The following CCDC27 variants were observed in gnomAD, a reference collection of about 807,000 sequenced individuals.
The protein encoded by CCDC27 is coiled-coil domain containing 27.
CCDC27 carries 80 observed loss-of-function variants against 80.3 expected under a neutral mutation model. That is an observed-to-expected ratio of 1.00 (90% confidence interval 0.83 to 1.20). The LOEUF is 1.20. CCDC27 is among the 50% of genes most tolerant of loss of function. CCDC27 has a pLI of 0.00. For synonymous variants in CCDC27, 342 were observed against 334.3 expected, an observed-to-expected ratio of 1.02 and a Z score of -0.25; for missense variants, 815 against 809.4, an observed-to-expected ratio of 1.01 and a Z score of -0.08.
Position 3,769,958 on chromosome 1 carries a change from T to G in CCDC27, c.1848+71T>G. On this transcript the variant is annotated intron_variant, in intron 11 of 11. Transcript: ENST00000294600. The surrounding 1 kb of genome is among the most constrained non-coding windows in gnomAD (Gnocchi z 4.6). ...AGGCCAGAGCTGTGGTAGGGGGTTG[T>G]GGGGGGCCTAGATTCCAGGGACTCT... The G allele has an allele frequency of 9.0e-7, 1 of 1,116,112 alleles. No individual in the cohort carries two copies. The highest frequency in any genetic ancestry group is 1.4e-6 in the Non-Finnish European group (1 of 727,724). 69.1% of individuals were successfully genotyped at this position (1,116,112 alleles called of 1,614,324 possible).
At chr1:3,762,413 G>A (rs573374763) in intron 5 of CCDC27, among the ~76,000 whole-genome samples, 24 of 152,154 alleles carry the variant, frequency 1.6e-4, no homozygotes, top group African/African-American at 5.8e-4. Context: ...GGTGCCTAGA[G>A]CCCCACTGCC....
At position 3,769,821 on chromosome 1, in the gene CCDC27, T is replaced by C. The variant is rs1476277028; in HGVS notation, c.1782T>C (p.Phe594=). ...RLRNKIIQAT[F]SISGTKSLAN... ...GGAATAAGATCATCCAGGCCACCTT[T>C]AGCATCTCCGGGACCAAGTCCTTGG... Residue 594 remains phenylalanine, a synonymous_variant, in exon 11 of 12, where the codon TTT becomes TTC. Coordinates refer to ENST00000294600, the MANE Select transcript of CCDC27 (RefSeq NM_152492.3). This position sits in a 1 kb window ranked among gnomAD's most constrained non-coding sequence, Gnocchi z 4.6. 4 of 1,613,946 alleles carry C rather than the reference T, an allele frequency of 2.5e-6. No individual in the cohort carries two copies. Among genetic ancestry groups the C allele is most frequent in the East Asian group, 2.2e-5 (1 of 44,890 alleles).
chr1:3,756,763 G>T lies in CCDC27; in HGVS notation c.584G>T (p.Cys195Phe), dbSNP rs148151548. The T allele has an allele frequency of 6.2e-7, 1 of 1,614,002 alleles. No individual in the cohort carries two copies. Among genetic ancestry groups the T allele is most frequent in the African/African-American group, 1.3e-5 (1 of 74,938 alleles). ...GYLLPFSKSI[C>F]EFDYLRKRRK... ...CTCCTTCCCTTCAGTAAGAGCATCTGCGAGTTCGATTACTTGCGGAAGAGG... is the reference window on the plus strand; with the variant it reads ...CTCCTTCCCTTCAGTAAGAGCATCTTCGAGTTCGATTACTTGCGGAAGAGG... Residue 195 changes from cysteine to phenylalanine, a missense_variant, in exon 4 of 12, where the codon TGC becomes TTC. Physicochemically the swap from Cys to Phe is radical, Grantham distance 205. Transcript: ENST00000294600.
rs145354773 is a variant in CCDC27 at position 3,763,366 on chromosome 1, G to T, written c.1213G>T (p.Glu405Ter). The T allele has an allele frequency of 1.9e-6, 3 of 1,613,004 alleles. No individual in the cohort carries two copies. Among genetic ancestry groups the T allele is most frequent in the Non-Finnish European group, 2.5e-6 (3 of 1,179,982 alleles). ...CAGGAGAAGGGCCTCCTCCCTGGCCGAGTCGTTTGAGGAGGAGCTGCTGGC... is the reference window on the plus strand; with the variant it reads ...CAGGAGAAGGGCCTCCTCCCTGGCCTAGTCGTTTGAGGAGGAGCTGCTGGC... Reference protein sequence around the residue: ...IPRRRASSLAESFEEELLAQL... With the variant: ...IPRRRASSLA The change falls in exon 7 of 12, where the codon GAG becomes TAG. Residue 405 changes from glutamate to a stop codon, truncating the protein, a stop_gained. Transcript: ENST00000294600. LOFTEE classifies it high-confidence loss of function. This position sits in a 1 kb window ranked among gnomAD's most constrained non-coding sequence, Gnocchi z 7.5.
Position 3,769,901 on chromosome 1 carries a change from C to T in CCDC27, c.1848+14C>T, listed in dbSNP as rs753712094. ...GAAGCCCTGCAGGTATACCCCTAAG[C>T]TCAGCTGCCTCTATCCGGGCCCCAG... is the stretch of plus-strand genomic sequence containing the variant. On this transcript the variant is annotated intron_variant, in intron 11 of 11. Transcript: ENST00000294600. This position sits in a 1 kb window ranked among gnomAD's most constrained non-coding sequence, Gnocchi z 4.6. 4 of 1,594,222 alleles carry T rather than the reference C, an allele frequency of 2.5e-6. No homozygotes were observed. The highest frequency in any genetic ancestry group is 3.4e-6 in the Non-Finnish European group (4 of 1,162,040).
chr1:3,767,117 G>T, intron 9 of CCDC27, 116 bp from the exon 10 acceptor site: 1 of 857,176 alleles, frequency 1.2e-6, no homozygotes, highest in Non-Finnish European at 1.9e-6. Flanking sequence ...GGGATTACAG[G>T]CGTGAGCCAC....
chr1:3,755,163 G>A lies in CCDC27; in HGVS notation c.443-294G>A, dbSNP rs540344899. ...TCTGGAGGCAGGGGAGCTTCCGTTC[G>A]ACTTTTAGGAGGCACATTTTTACCG... is the stretch of plus-strand genomic sequence containing the variant. On this transcript the variant is annotated intron_variant, in intron 2 of 11. Transcript: ENST00000294600. Among the ~76,000 whole-genome samples, 46 of 152,280 alleles carry A rather than the reference G, an allele frequency of 3.0e-4. 1 individual carries two copies. Among genetic ancestry groups the A allele is most frequent in the Middle Eastern group, 6.8e-3 (2 of 294 alleles).
rs79273351 is a variant in CCDC27, at chr1:3,757,302, T to G, written c.711+412T>G. Reference sequence around the variant, plus strand: ...TTATAAGAAAGACTAACCTATATTTTCACTGTCTTATAATTCCGTCATCAA... The same window carrying G: ...TTATAAGAAAGACTAACCTATATTTGCACTGTCTTATAATTCCGTCATCAA... On this transcript the variant is annotated intron_variant, in intron 4 of 11. Transcript: ENST00000294600. 0.02 allele frequency: 3,077 copies of G among 153,138 alleles called. 227 individuals are homozygous for G. In the East Asian group the frequency reaches 0.23, roughly 11 times the overall value. 9.5% of individuals were successfully genotyped at this position (153,138 alleles called of 1,614,324 possible). A position where few individuals can be genotyped will look rare whatever the true frequency, so the allele number is the denominator to read the frequency against.
At chr1:3,762,155 C>G (rs1200245554) in intron 5 of CCDC27, among the ~76,000 whole-genome samples, 1 of 152,170 alleles carries the variant, frequency 6.6e-6, no homozygotes, top group Non-Finnish European at 1.5e-5. Flanking sequence ...AGAGATGAAG[C>G]AGGAACCAGG....
intron 8 of CCDC27, among the ~76,000 whole-genome samples, chr1:3,764,468 CT>C (rs1553153864): frequency 1.6e-4 from 24 of 152,002 alleles, no homozygotes; most frequent in African/African-American, 2.2e-4. Context: ...TTAATGCTTC[CT>C]TTTTTTTCCT....
Position 3,769,747 on chromosome 1 carries a change from T to A in CCDC27, c.1744-36T>A, listed in dbSNP as rs367599586. ...CCCACTGGCCAGGTGCCTTCTTGGG[T>A]AAAGGCGAATGATAGTGTTGTCCCT... On this transcript the variant is annotated intron_variant, in intron 10 of 11. Transcript: ENST00000294600. This position sits in a 1 kb window ranked among gnomAD's most constrained non-coding sequence, Gnocchi z 4.6. 2.6e-6 allele frequency: 4 copies of A among 1,516,554 alleles called. No individual in the cohort carries two copies. Among genetic ancestry groups the A allele is most frequent in the Non-Finnish European group, 1.8e-6 (2 of 1,091,246 alleles). The allele number at this position is 1,516,554 out of a possible 1,614,324, so 93.9% of individuals were successfully genotyped here.
At chr1:3,753,655 G>T (rs966154974) in intron 1 of CCDC27, among the ~76,000 whole-genome samples, 2 of 152,198 alleles carry the variant, frequency 1.3e-5, no homozygotes, top group South Asian at 2.1e-4. Context: ...TTTCCAAAGT[G>T]GGTCTGCGTG....
intron 11 of CCDC27, among the ~76,000 whole-genome samples, chr1:3,770,243 G>C (rs1403432822): frequency 1.3e-5 from 2 of 152,324 alleles, no homozygotes; most frequent in South Asian, 2.1e-4. Flanking sequence ...GCTTTGTCCA[G>C]CTTGGTCCCC....
At chr1:3,755,188 G>A (rs761643956) in intron 2 of CCDC27, among the ~76,000 whole-genome samples, 13 of 152,200 alleles carry the variant, frequency 8.5e-5, no homozygotes, top group South Asian at 4.1e-4. Context: ...CATTTTTACC[G>A]AAGGAAAGTA....
chr1:3,759,054 CA>C (rs58129008), intron 4 of CCDC27, among the ~76,000 whole-genome samples: 17,272 of 136,322 alleles, frequency 0.13, 2,863 homozygotes, highest in African/African-American at 0.39. Context: ...ACTAAAAATA[CA>C]AAAAAAAAAA....
chr1:3,762,977 T>C (rs147251165), intron 6 of CCDC27, 131 bp from the exon 7 acceptor site: 12,837 of 1,186,308 alleles, frequency 0.011, 256 homozygotes, highest in African/African-American at 0.077. Context: ...GCAGATGCTC[T>C]CCCACTCCCT....
chr1:3,767,583 C>A, intron 10 of CCDC27, 138 bp downstream of exon 10: 1 of 678,586 alleles, frequency 1.5e-6, no homozygotes, highest in South Asian at 1.9e-5. Flanking sequence ...TGTACACCAG[C>A]ATCCACACAG....
intron 1 of CCDC27, among the ~76,000 whole-genome samples, chr1:3,753,358 T>C (rs1160257068): frequency 6.7e-6 from 1 of 150,006 alleles, no homozygotes; most frequent in Non-Finnish European, 1.5e-5. Flanking sequence ...AGTTTCACTC[T>C]TGTCACCCGG....
chr1:3,757,741 C>G (rs148215808), intron 4 of CCDC27, among the ~76,000 whole-genome samples: 1 of 151,854 alleles, frequency 6.6e-6, no homozygotes, highest in Non-Finnish European at 1.5e-5. Flanking sequence ...GGCTAACACG[C>G]GAAACCCCGT....
Sources: gnomAD v4.1 joint callset for allele counts (sites outside exome capture counted in the v4.1 genomes callset) on GRCh38, gnomAD v4.1.1 for gene constraint, Gnocchi (gnomAD v3.1) non-coding constraint, MANE v1.5 for transcripts, NCBI Gene and HGNC (gene_info 2026-07-23, HGNC 2026-07-21) for gene names.